Variants in PLXNA3 observed in about 807,000 individuals in gnomAD.
PLXNA3 encodes the protein plexin A3, also known as plexin-A3.
Under a neutral mutation model 118.8 loss-of-function variants are expected in PLXNA3, and 52 were observed. That is an observed-to-expected ratio of 0.44 (90% CI 0.35 to 0.55). The LOEUF (loss-of-function observed/expected upper bound fraction) is 0.55. Ranked by LOEUF, PLXNA3 falls within the 20% of genes least tolerant of loss-of-function variation. The pLI, the probability that PLXNA3 is intolerant of heterozygous loss-of-function variation, is 0.01. For missense variants in PLXNA3, 1,660 were observed against 1,730.8 expected (o/e 0.96, Z 0.73); for synonymous variants, 925 against 762.4 (o/e 1.21, Z -3.51).
rs782241687 is a variant in PLXNA3, at chrX:154,469,067, C to T, written c.4446C>T (p.Cys1482=). Residue 1482 remains cysteine (C), a synonymous_variant, in exon 26 of 33, where the codon TGC becomes TGT. Transcript: ENST00000369682. ...QIDYKTLTLH[C]VCPENEGSAQ... is the part of the protein sequence containing the mutation. ...CGCTTTCCCCTCAGACCCTTCACTGCGTGTGTCCGGAGAACGAGGGCAGCG... is the reference window on the plus strand; with the variant it reads ...CGCTTTCCCCTCAGACCCTTCACTGTGTGTGTCCGGAGAACGAGGGCAGCG... The T allele has an allele frequency of 1.3e-5, 16 of 1,210,177 alleles. No individual in the cohort carries two copies. Among genetic ancestry groups the T allele is most frequent in the Middle Eastern group, 2.3e-4 (1 of 4,375 alleles).
chrX:154,476,931 A>C lies in PLXNA3; in HGVS notation c.*4246A>C, dbSNP rs2148260283. On this transcript the variant is annotated 3_prime_UTR_variant, in exon 33 of 33. Coordinates refer to ENST00000369682, the MANE Select transcript of PLXNA3 (RefSeq NM_017514.5). ...GTTTGCAGGGCGGAGAACCAGAGAG[A>C]AGAGAGCTGCACAGGGAAAGAACCC... 9.0e-6 allele frequency: 1 copy of C among 111,682 alleles called. No individual in the cohort carries two copies. The highest frequency in any genetic ancestry group is 3.8e-4 in the South Asian group (1 of 2,647). The allele number at this position is 111,682 out of a possible 1,213,427, so 9.2% of individuals were successfully genotyped here.
rs139075863 is a variant in PLXNA3 at position 154,470,113 on chromosome X, C to T, written c.4932C>T (p.Asp1644=). The T allele has an allele frequency of 1.7e-6, 2 of 1,206,576 alleles. No individual in the cohort carries two copies. The highest frequency in any genetic ancestry group is 3.5e-5 in the African/African-American group (2 of 56,925). ...NHDHADHREG[D]RGSKMVSEIY... ...ACCATGCCGACCATCGCGAGGGGGACCGTGGCAGCAAGATGGTCTCCGAGA... is the reference window on the plus strand; with the variant it reads ...ACCATGCCGACCATCGCGAGGGGGATCGTGGCAGCAAGATGGTCTCCGAGA... Residue 1644 remains aspartate, a synonymous_variant, in exon 29 of 33, where the codon GAC becomes GAT. Coordinates refer to ENST00000369682, the MANE Select transcript of PLXNA3 (RefSeq NM_017514.5).
chrX:154,470,433 C>G lies in PLXNA3; in HGVS notation c.4987-9C>G, dbSNP rs2069167198. 8.3e-7 allele frequency: 1 copy of G among 1,206,252 alleles called. No homozygotes were observed. The stretch of plus-strand genomic sequence containing the variant: ...CCCTCATAGCCTGTGACCTCTCTGC[C>G]CCACACAGGGCACACTGCAGAAGTT... On this transcript the variant is annotated splice_polypyrimidine_tract_variant and intron_variant, in intron 29 of 32. Coordinates refer to ENST00000369682, the MANE Select transcript of PLXNA3 (RefSeq NM_017514.5).
chrX:154,463,625 C>T lies in PLXNA3; in HGVS notation c.1482C>T (p.Tyr494=), dbSNP rs1557205656. ...SQLPVETCEQ[Y]QSCAACLGSG... ...TCCCGGTGGAGACCTGTGAGCAGTA[C>T]CAGAGCTGCGCAGCCTGCCTGGGCT... is the stretch of plus-strand genomic sequence containing the variant. The change falls in exon 6 of 33, where the codon TAC becomes TAT. Residue 494 remains tyrosine (Y), a synonymous_variant. Coordinates refer to ENST00000369682, the MANE Select transcript of PLXNA3 (RefSeq NM_017514.5). 1 of 1,203,102 alleles carries T rather than the reference C, an allele frequency of 8.3e-7. No homozygotes were observed. The highest frequency in any genetic ancestry group is 3.0e-5 in the East Asian group (1 of 33,639).
intron 4 of PLXNA3, among the ~76,000 whole-genome samples, chrX:154,462,850 T>C (rs1008782129): frequency 4.6e-5 from 5 of 109,536 alleles, no homozygotes; most frequent in Non-Finnish European, 7.6e-5. Context: ...GTTGAATAGG[T>C]AGGAGTCGGG....
chrX:154,465,559 T>A (rs782003254), intron 12 of PLXNA3, 39 bp downstream of exon 12: 7 of 1,153,667 alleles, frequency 6.1e-6, no homozygotes, highest in Non-Finnish European at 8.3e-6. Context: ...CCTAAGGCAA[T>A]TGGCACTGCT....
At position 154,476,948 on chromosome X, in the gene PLXNA3, A is replaced by G. The variant is rs1216753645; in HGVS notation, c.*4263A>G. On this transcript the variant is annotated 3_prime_UTR_variant, in exon 33 of 33. Transcript: ENST00000369682. ...CCAGAGAGAAGAGAGCTGCACAGGG[A>G]AAGAACCCTGGATATCCACAGAGGC... The G allele has an allele frequency of 8.9e-6, 1 of 111,902 alleles. No individual in the cohort carries two copies. The highest frequency in any genetic ancestry group is 1.9e-5 in the Non-Finnish European group (1 of 53,178). The allele number at this position is 111,902 out of a possible 1,213,427, so 9.2% of individuals were successfully genotyped here.
rs2068961874 is a variant in PLXNA3 at position 154,461,544 on chromosome X, C to T, written c.1040C>T (p.Ala347Val). 13 of 1,210,434 alleles carry T rather than the reference C, an allele frequency of 1.1e-5. No individual in the cohort carries two copies. The East Asian group carries it at 2.1e-4, about 19-fold the overall frequency. ...CTCTTCACCCTCAGCAACATCAATG[C>T]CCACATCCGGCGCCGCATCCAGTCC... ...LCLFTLSNIN[A>V]HIRRRIQSCY... Residue 347 changes from alanine (A) to valine (V), a missense_variant, in exon 3 of 33, where the codon GCC becomes GTC. Ala to Val is a moderately conservative substitution (Grantham distance 64, BLOSUM62 0). Around this residue, in one of 2 missense-constraint regions of PLXNA3, gnomAD observed 791 missense variants for 652.1 expected, o/e 1.21. Transcript: ENST00000369682.
Position 154,467,916 on chromosome X carries a change from G to A in PLXNA3, c.3735G>A (p.Lys1245=), listed in dbSNP as rs144799988. ...CCGTGCTGGTGGCCTACAAGCGCAA[G>A]ACTCAGGACGCGGACCGTACCCTCA... ...ITAVLVAYKR[K]TQDADRTLKR... is the part of the protein sequence containing the mutation. Residue 1245 remains lysine, a synonymous_variant, in exon 21 of 33, where the codon AAG becomes AAA. Transcript: ENST00000369682. The A allele has an allele frequency of 4.1e-6, 5 of 1,209,091 alleles. No homozygotes were observed. The African/African-American group carries it at 7.0e-5, about 17-fold the overall frequency.
rs2068925191 is a variant in PLXNA3, at chrX:154,460,408, T to C, written c.225T>C (p.Ala75=). ...TCACGGGGCCCGTCGAGGACAACGC[T>C]CGCTGCTACCCGCCCCCCAGCATGC... ...AHVTGPVEDN[A]RCYPPPSMRV... Residue 75 remains alanine (A), a synonymous_variant, in exon 2 of 33, where the codon GCT becomes GCC. Coordinates refer to ENST00000369682, the MANE Select transcript of PLXNA3 (RefSeq NM_017514.5). 8.3e-6 allele frequency: 10 copies of C among 1,204,011 alleles called. No homozygotes were observed. The highest frequency in any genetic ancestry group is 1.7e-5 in the African/African-American group (1 of 57,705).
chrX:154,467,133 G>A lies in PLXNA3; in HGVS notation c.3184G>A (p.Gly1062Ser), dbSNP rs2069099712. The A allele has an allele frequency of 2.5e-6, 3 of 1,208,809 alleles. No homozygotes were observed. Among genetic ancestry groups the A allele is most frequent in the South Asian group, 1.8e-5 (1 of 56,860 alleles). Residue 1062 changes from glycine to serine, a missense_variant, in exon 18 of 33, where the codon GGC (glycine) becomes AGC (serine). Transcript: ENST00000369682. ...GCCCCGGGTCCGTGCCAAGTACCGC[G>A]GCATTGAGACCACCAATGTGAGTAC... is the stretch of plus-strand genomic sequence containing the variant. The part of the protein sequence containing the change: ...QEPRVRAKYR[G>S]IETTNTCQVI...
In PLXNA3 at chrX:154,466,484, G is replaced by A; in HGVS notation, c.2908G>A (p.Val970Met). 12 of 1,208,955 alleles carry A rather than the reference G, an allele frequency of 9.9e-6. No individual in the cohort carries two copies. The highest frequency in any genetic ancestry group is 1.7e-5 in the African/African-American group (1 of 57,784). The change falls in exon 16 of 33, where the codon GTG becomes ATG. Residue 970 changes from valine to methionine, a missense_variant. Physicochemically the swap from Val to Met is conservative, Grantham distance 21. This residue lies in a region of PLXNA3 where 869 missense variants were observed against 1,078.7 expected (regional missense o/e 0.81). Transcript: ENST00000369682. ...LDAGSRVTVT[V>M]RDSECQFVRR... The stretch of plus-strand genomic sequence containing the variant: ...TGCTGGCAGCAGGGTCACAGTGACT[G>A]TGAGGGACAGCGAGTGCCAGTTTGT...
chrX:154,477,705 C>A lies in PLXNA3; in HGVS notation c.*5020C>A. On this transcript the variant is annotated 3_prime_UTR_variant, in exon 33 of 33. Transcript: ENST00000369682. ...TTGAATATCTGAATTCTAGAACCCC[C>A]CCCCCAGCAACCCAAGCACAACAAG... The A allele has an allele frequency of 3.2e-6, 1 of 312,960 alleles. No homozygotes were observed. The allele number at this position is 312,960 out of a possible 1,213,427, so 25.8% of individuals were successfully genotyped here.
In PLXNA3 at chrX:154,467,484, T is replaced by C; in HGVS notation, c.3441+13T>C. ...CGTGGTGCTGAAGGTGCGGGCGGGG[T>C]GGGGGCGGGGAGGGGCGGGAAAGTG... On this transcript the variant is annotated intron_variant, in intron 19 of 32. Coordinates refer to ENST00000369682, the MANE Select transcript of PLXNA3 (RefSeq NM_017514.5). 3.7e-6 allele frequency: 1 copy of C among 268,905 alleles called. No individual in the cohort carries two copies. Among genetic ancestry groups the C allele is most frequent in the Non-Finnish European group, 5.9e-6 (1 of 170,197 alleles). The allele number at this position is 268,905 out of a possible 1,213,427, so 22.2% of individuals were successfully genotyped here.
At position 154,468,568 on chromosome X, in the gene PLXNA3, C is replaced by T. The variant is rs782277497; in HGVS notation, c.4220+9C>T. 7 of 1,207,646 alleles carry T rather than the reference C, an allele frequency of 5.8e-6. No individual in the cohort carries two copies. The Admixed American group carries it at 1.1e-4, about 19-fold the overall frequency. On this transcript the variant is annotated intron_variant, in intron 23 of 32. Coordinates refer to ENST00000369682, the MANE Select transcript of PLXNA3 (RefSeq NM_017514.5). Reference sequence around the variant, plus strand: ...AAGCTGCTGCTACGCAGGTACCTGCCTTGCTCTATCCAGGCCACACCTTTG... The same window carrying T: ...AAGCTGCTGCTACGCAGGTACCTGCTTTGCTCTATCCAGGCCACACCTTTG...
At position 154,465,659 on chromosome X, in the gene PLXNA3, C is replaced by T; in HGVS notation, c.2344C>T (p.Leu782Phe). 2 of 1,209,316 alleles carry T rather than the reference C, an allele frequency of 1.7e-6. No homozygotes were observed. The highest frequency in any genetic ancestry group is 1.1e-6 in the Non-Finnish European group (1 of 894,054). ...AGCAGTGCCTTCTGTGCCTGCAGCC[C>T]TCCTGTACAAGTGCTGGGCGCAGCG... ...PIDKPPSFRA[L>F]LYKCWAQRPS... Residue 782 changes from leucine to phenylalanine, a missense_variant and splice_region_variant, in exon 13 of 33, where the codon CTC becomes TTC. Coordinates refer to ENST00000369682, the MANE Select transcript of PLXNA3 (RefSeq NM_017514.5).
chrX:154,461,910 GTCTTGTGGGCCCAGGCTT>G (rs2148245762), intron 3 of PLXNA3, among the ~76,000 whole-genome samples, 200 bp from the exon 4 acceptor site: 1 of 112,225 alleles, frequency 8.9e-6, no homozygotes, highest in African/African-American at 3.2e-5. Context: ...GCCAACAAGA[GTCTTGTGGGCCCAGGCTT>G]CGCTCCTCGC....
chrX:154,461,310 A>G lies in PLXNA3; in HGVS notation c.806A>G (p.Asp269Gly), dbSNP rs2068954151. ...TSKIVRMCAGDSEFYSYVEFP... is the reference protein window; with the variant it reads ...TSKIVRMCAGGSEFYSYVEFP... ...AAGATCGTGCGCATGTGCGCGGGAG[A>G]CTCAGAGTTCTACTCATACGTGGAA... The change falls in exon 3 of 33, where the codon GAC becomes GGC. Residue 269 changes from aspartate (D) to glycine (G), a missense_variant. Transcript: ENST00000369682. The G allele has an allele frequency of 8.3e-6, 10 of 1,211,941 alleles. No homozygotes were observed. Among genetic ancestry groups the G allele is most frequent in the Non-Finnish European group, 1.0e-5 (9 of 895,409 alleles).
chrX:154,471,676 C>G, intron 32 of PLXNA3, 38 bp downstream of exon 32: 1 of 1,161,408 alleles, frequency 8.6e-7, no homozygotes, highest in Non-Finnish European at 1.2e-6. Context: ...TTACTTGGTC[C>G]TGAAGGTGCA....
Sources: gnomAD v4.1 joint callset for allele counts (sites outside exome capture counted in the v4.1 genomes callset) on GRCh38, gnomAD v4.1.1 for gene constraint, gnomAD v4.1.1 regional missense constraint, MANE v1.5 for transcripts, NCBI Gene and HGNC (gene_info 2026-07-23, HGNC 2026-07-21) for gene names.